Variants in ZNF746 observed in about 807,000 individuals in gnomAD.
ZNF746 encodes parkin-interacting substrate.
Under a neutral mutation model 41.0 loss-of-function variants are expected in ZNF746, and 13 were observed. The ratio of observed to expected loss-of-function variants is 0.32; its 90% CI spans 0.21 to 0.50. ZNF746 has a LOEUF of 0.50. Ranked by LOEUF, ZNF746 falls within the 20% of genes least tolerant of loss-of-function variation. The pLI is 0.98. For missense variants in ZNF746, 811 were observed against 922.9 expected (o/e 0.88, Z 1.57); for synonymous variants, 424 against 396.2 (o/e 1.07, Z -0.83).
At position 149,496,212 on chromosome 7, in the gene ZNF746, T is replaced by C. The variant is rs1712931706; in HGVS notation, c.24+1301A>G. On this transcript the variant is annotated intron_variant, in intron 1 of 6. Coordinates refer to ENST00000458143, the MANE Select transcript of ZNF746 (RefSeq NM_001394198.1). ...CTTTATTAAGAAAATATTAGTCTTT[T>C]ACTCATGGACAACAAGGTGCATGGT... Among the ~76,000 whole-genome samples, 2 of 152,240 alleles carry C rather than the reference T, an allele frequency of 1.3e-5. 1 individual carries two copies. Among genetic ancestry groups the C allele is most frequent in the South Asian group, 4.1e-4 (2 of 4,834 alleles).
At chr7:149,496,096 T>A (rs1456159345) in intron 1 of ZNF746, among the ~76,000 whole-genome samples, 1 of 152,220 alleles carries the variant, frequency 6.6e-6, no homozygotes, top group Non-Finnish European at 1.5e-5. Flanking sequence ...TTTCAACTGG[T>A]CACCAGCTCC....
At chr7:149,475,537 C>T (rs776990709) in intron 6 of ZNF746, 54 bp from the exon 7 acceptor site, 8 of 1,547,128 alleles carry the variant, frequency 5.2e-6, no homozygotes, top group Non-Finnish European at 6.1e-6. Context: ...CTGAGCGAGC[C>T]ACGATCTGCC....
In ZNF746 at chr7:149,474,541, T is replaced by G; in HGVS notation, c.1826A>C (p.Lys609Thr). Residue 609 changes from lysine to threonine, a missense_variant, in exon 7 of 7, where the codon AAG becomes ACG. Lys to Thr is a moderately conservative substitution (Grantham distance 78). Coordinates refer to ENST00000458143, the MANE Select transcript of ZNF746 (RefSeq NM_001394198.1). This position sits in a 1 kb window ranked among gnomAD's most constrained non-coding sequence, Gnocchi z 6.3. ...KHQRNHAAGA[K>T]TPARGQPLPT... Reference sequence around the variant, plus strand: ...GAGTGGCTGGCCTCGGGCCGGGGTCTTGGCGCCCGCTGCATGGTTGCGCTG... The same window carrying G: ...GAGTGGCTGGCCTCGGGCCGGGGTCGTGGCGCCCGCTGCATGGTTGCGCTG... The G allele has an allele frequency of 1.9e-6, 3 of 1,607,750 alleles. No individual in the cohort carries two copies. Among genetic ancestry groups the G allele is most frequent in the Non-Finnish European group, 2.5e-6 (3 of 1,177,394 alleles).
chr7:149,474,657 G>A lies in ZNF746; in HGVS notation c.1710C>T (p.Ile570=). ...CGCCCGTGTGCGTTCGGTAGTGGTC[G>A]ATGAGCTTGGAGCGTTCGGTGAAGC... ...EKRFTERSKL[I]DHYRTHTGVR... The change falls in exon 7 of 7, where the codon ATC becomes ATT. Residue 570 remains isoleucine, a synonymous_variant. Transcript: ENST00000458143. The surrounding 1 kb of genome is among the most constrained non-coding windows in gnomAD (Gnocchi z 6.3). 2 of 1,613,458 alleles carry A rather than the reference G, an allele frequency of 1.2e-6. No individual in the cohort carries two copies. The highest frequency in any genetic ancestry group is 1.7e-6 in the Non-Finnish European group (2 of 1,179,782).
Position 149,475,076 on chromosome 7 carries a change from TG to T in ZNF746, c.1290del (p.Ser431AlafsTer26). The T allele has an allele frequency of 6.3e-7, 1 of 1,597,148 alleles. No individual in the cohort carries two copies. The highest frequency in any genetic ancestry group is 8.5e-7 in the Non-Finnish European group (1 of 1,172,654). On this transcript the variant is annotated frameshift_variant, in exon 7 of 7. Coordinates refer to ENST00000458143, the MANE Select transcript of ZNF746 (RefSeq NM_001394198.1). LOFTEE classifies it low-confidence loss of function (END_TRUNC). ...SPDNGEAILD[P>X]SQAPRPFNEP... ...TCGTTGAATGGCCTTGGGGCCTGGC[TG>T]GGGTCCAAGATGGCCTCTCCGTTGT...
intron 4 of ZNF746, among the ~76,000 whole-genome samples, chr7:149,487,413 T>C (rs1363567549): frequency 1.3e-5 from 2 of 152,218 alleles, no homozygotes; most frequent in Non-Finnish European, 2.9e-5. Flanking sequence ...AAATCATACT[T>C]AAGGCTGAAA....
intron 4 of ZNF746, among the ~76,000 whole-genome samples, chr7:149,485,151 T>A (rs1422132563): frequency 2.1e-4 from 28 of 135,982 alleles, no homozygotes; most frequent in East Asian, 1.7e-3. Flanking sequence ...AAAAGTGATT[T>A]AAAAAAAAAA....
At position 149,491,310 on chromosome 7, in the gene ZNF746, C is replaced by T. The variant is rs112658684; in HGVS notation, c.565+1549G>A. 0.016 allele frequency: 2,469 copies of T among 154,386 alleles called. 131 individuals carry two copies. In the East Asian group the frequency reaches 0.2, roughly 12 times the overall value. 9.6% of individuals were successfully genotyped at this position (154,386 alleles called of 1,614,324 possible). A position where few individuals can be genotyped will look rare whatever the true frequency, so the allele number is the denominator to read the frequency against. On this transcript the variant is annotated intron_variant, in intron 4 of 6. Coordinates refer to ENST00000458143, the MANE Select transcript of ZNF746 (RefSeq NM_001394198.1). The stretch of plus-strand genomic sequence containing the variant: ...GCTAGAGAGTGTTACAGGGTCTTAC[C>T]AGCAACCAGCGTATTTCCAGCCCCT...
intron 4 of ZNF746, among the ~76,000 whole-genome samples, chr7:149,481,389 T>C (rs747716939): frequency 4.6e-5 from 7 of 152,206 alleles, no homozygotes; most frequent in African/African-American, 7.2e-5. Flanking sequence ...TTACTTATAA[T>C]ACCTAATACG....
Position 149,494,303 on chromosome 7 carries a change from C to T in ZNF746, c.225G>A (p.Gly75=). ...AVLGTLLQEY[G]LLQRRLENVE... is the part of the protein sequence containing the mutation. ...CGTTCTCCAGCCGCCTCTGCAGCAG[C>T]CCGTACTCCTGCAGCAGGGTCCCCA... The change falls in exon 2 of 7, where the codon GGG becomes GGA. Residue 75 remains glycine, a synonymous_variant. Coordinates refer to ENST00000458143, the MANE Select transcript of ZNF746 (RefSeq NM_001394198.1). This position sits in a 1 kb window ranked among gnomAD's most constrained non-coding sequence, Gnocchi z 5.6. 2 of 1,614,060 alleles carry T rather than the reference C, an allele frequency of 1.2e-6. No individual in the cohort carries two copies. The highest frequency in any genetic ancestry group is 1.7e-6 in the Non-Finnish European group (2 of 1,179,972).
At chr7:149,488,809 A>G (rs570745559) in intron 4 of ZNF746, 1 of 152,344 alleles carries the variant, frequency 6.6e-6, no homozygotes, top group East Asian at 1.9e-4. Flanking sequence ...TGGTGAGGCC[A>G]CCGCTGGGTC....
At chr7:149,496,148 T>G (rs1965620) in intron 1 of ZNF746, among the ~76,000 whole-genome samples, 1 of 151,930 alleles carries the variant, frequency 6.6e-6, no homozygotes, top group Non-Finnish European at 1.5e-5. Context: ...TGCATTATTA[T>G]GGGCTTTGTG....
chr7:149,496,578 C>CGCCCT (rs1562995296), intron 1 of ZNF746, among the ~76,000 whole-genome samples: 2 of 152,186 alleles, frequency 1.3e-5, no homozygotes, highest in African/African-American at 4.8e-5. Flanking sequence ...TGCCTGCACA[C>CGCCCT]GCCCTGCACT....
chr7:149,482,785 C>T lies in ZNF746; in HGVS notation c.566-5030G>A, dbSNP rs190686367. Among the ~76,000 whole-genome samples the T allele has an allele frequency of 2.0e-5, 3 of 152,264 alleles. No homozygotes were observed. The East Asian group carries it at 5.8e-4, about 29-fold the overall frequency. ...CAGCCAATAACTCTAATTTTTTAAG[C>T]TTATCATATAGCTTCAAAATAATAA... On this transcript the variant is annotated intron_variant, in intron 4 of 6. Coordinates refer to ENST00000458143, the MANE Select transcript of ZNF746 (RefSeq NM_001394198.1).
At chr7:149,487,107 A>G (rs570483983) in intron 4 of ZNF746, among the ~76,000 whole-genome samples, 1 of 152,180 alleles carries the variant, frequency 6.6e-6, no homozygotes, top group South Asian at 2.1e-4. Context: ...CGCGAACCCT[A>G]TTGTGAACTG....
Position 149,477,055 on chromosome 7 carries a change from A to G in ZNF746, c.758-8T>C, listed in dbSNP as rs912484892. ...AAAAGTTGGAATGGACACCTGCGGT[A>G]AGGGGAGAGCAGAGCCGGTGGGTTA... is the stretch of plus-strand genomic sequence containing the variant. On this transcript the variant is annotated splice_region_variant and splice_polypyrimidine_tract_variant and intron_variant, in intron 5 of 6. Transcript: ENST00000458143. 2 of 1,611,236 alleles carry G rather than the reference A, an allele frequency of 1.2e-6. No individual in the cohort carries two copies. The highest frequency in any genetic ancestry group is 1.1e-5 in the South Asian group (1 of 90,730).
At chr7:149,486,122 A>T (rs1220388650) in intron 4 of ZNF746, among the ~76,000 whole-genome samples, 3 of 152,222 alleles carry the variant, frequency 2.0e-5, no homozygotes, top group Admixed American at 2.0e-4. Flanking sequence ...CCAGTAGAGG[A>T]TGTAATGTTC....
At chr7:149,491,565 A>T in intron 4 of ZNF746, 1 of 357,228 alleles carries the variant, frequency 2.8e-6, no homozygotes, top group Non-Finnish European at 5.3e-6. Flanking sequence ...ATGCATCTGT[A>T]GAGCTAAACT....
chr7:149,496,966 A>C, intron 1 of ZNF746: 3 of 985,362 alleles, frequency 3.0e-6, no homozygotes, highest in Non-Finnish European at 3.6e-6. Context: ...GATTAACACC[A>C]GTACCCATCC....
Sources: allele counts gnomAD v4.1 joint callset (sites outside exome capture counted in the v4.1 genomes callset), GRCh38; gene constraint gnomAD v4.1.1; non-coding constraint Gnocchi (gnomAD v3.1); transcripts MANE v1.5; gene names NCBI Gene and HGNC (gene_info 2026-07-23, HGNC 2026-07-21).